Variants in FGD6 observed in about 807,000 individuals in gnomAD.
FGD6 encodes the protein FYVE, RhoGEF and PH domain containing 6.
A neutral mutation model predicts 149.4 loss-of-function variants in FGD6; 90 were observed. The observed-to-expected ratio is 0.60, with a 90% CI of 0.51 to 0.72. FGD6 has a LOEUF of 0.72. Ranked by LOEUF, FGD6 falls within the 30% of genes least tolerant of loss-of-function variation. FGD6 has a pLI of 0.00. For missense variants in FGD6, 1,437 were observed against 1,684.8 expected, an observed-to-expected ratio of 0.85 and a Z score of 2.57; for synonymous variants, 527 against 584.0, an observed-to-expected ratio of 0.90 and a Z score of 1.41.
chr12:95,111,267 C>G (rs906501089), intron 9 of FGD6, among the ~76,000 whole-genome samples: 1 of 152,154 alleles, frequency 6.6e-6, no homozygotes, highest in African/African-American at 2.4e-5. Flanking sequence ...AGGCATGAGC[C>G]ACCACGCCCG....
At chr12:95,173,690 G>A (rs906207531) in intron 2 of FGD6, among the ~76,000 whole-genome samples, 4 of 152,030 alleles carry the variant, frequency 2.6e-5, no homozygotes, top group East Asian at 1.9e-4. Context: ...CTTTTCTGTC[G>A]TAAGTCTACA....
rs915316319 is a variant in FGD6 at position 95,215,385 on chromosome 12, C to T, written c.16+1840G>A. Among the ~76,000 whole-genome samples the T allele has an allele frequency of 2.0e-5, 3 of 152,138 alleles. No individual in the cohort carries two copies. The East Asian group carries it at 5.8e-4, about 29-fold the overall frequency. On this transcript the variant is annotated intron_variant, in intron 1 of 20. Transcript: ENST00000343958. ...CTTAACTTCAAGTAACTTTCCTAAA[C>T]GTTTCAATGAATTTGACTATTGTTC...
At chr12:95,173,030 A>C (rs1259874522) in intron 2 of FGD6, among the ~76,000 whole-genome samples, 1 of 152,216 alleles carries the variant, frequency 6.6e-6, no homozygotes, top group Non-Finnish European at 1.5e-5. Flanking sequence ...AAAGAAGATC[A>C]GGTCTCTACT....
intron 2 of FGD6, among the ~76,000 whole-genome samples, chr12:95,202,243 CT>C (rs1387137017): frequency 6.6e-6 from 1 of 151,672 alleles, no homozygotes; most frequent in East Asian, 1.9e-4. Context: ...AAAAAATTAG[CT>C]GGGCATAGTG....
chr12:95,094,266 A>G (rs1878167296), intron 15 of FGD6, among the ~76,000 whole-genome samples: 1 of 152,218 alleles, frequency 6.6e-6, no homozygotes, highest in South Asian at 2.1e-4. Flanking sequence ...ATACAAAATT[A>G]ACTTAAAAAG....
At chr12:95,144,688 A>G (rs1366775881) in intron 5 of FGD6, among the ~76,000 whole-genome samples, 1 of 147,480 alleles carries the variant, frequency 6.8e-6, no homozygotes, top group African/African-American at 2.5e-5. Context: ...CACGGCGCCC[A>G]GCTTACTTTT....
chr12:95,151,050 G>A (rs1190796173), intron 5 of FGD6, among the ~76,000 whole-genome samples: 1 of 151,742 alleles, frequency 6.6e-6, no homozygotes, highest in Non-Finnish European at 1.5e-5. Flanking sequence ...TGGAAATCAT[G>A]CCACCGCACT....
At chr12:95,117,338 C>T (rs1879046474) in intron 8 of FGD6, among the ~76,000 whole-genome samples, 2 of 152,186 alleles carry the variant, frequency 1.3e-5, no homozygotes, top group African/African-American at 4.8e-5. Context: ...TAATTAACTC[C>T]ATCACCATCA....
chr12:95,217,282 C>A lies in FGD6; in HGVS notation c.-42G>T, dbSNP rs2056837296. 7.5e-6 allele frequency: 12 copies of A among 1,590,402 alleles called. No homozygotes were observed. The highest frequency in any genetic ancestry group is 8.6e-6 in the Non-Finnish European group (10 of 1,164,112). ...TCGCTTCCCCGCTCGGCCCCTCAAT[C>A]CATCTTCCCCTTTCAGTCCATTGTT... On this transcript the variant is annotated 5_prime_UTR_variant, in exon 1 of 21. Coordinates refer to ENST00000343958, the MANE Select transcript of FGD6 (RefSeq NM_018351.4).
chr12:95,111,753 T>C (rs746983656), intron 9 of FGD6, among the ~76,000 whole-genome samples: 1 of 152,118 alleles, frequency 6.6e-6, no homozygotes, highest in Non-Finnish European at 1.5e-5. Flanking sequence ...ATATGATCAC[T>C]GAAGACAGGA....
rs773558757 is a variant in FGD6, at chr12:95,134,709, G to A, written c.3082+30C>T. ...AGTTGGCTGATGGATAAACCAACTG[G>A]GTGGTTGGCAAAATGCTGGAGAAGC... is the stretch of plus-strand genomic sequence containing the variant. On this transcript the variant is annotated intron_variant, in intron 8 of 20. Transcript: ENST00000343958. 1.6e-5 allele frequency: 25 copies of A among 1,601,822 alleles called. No individual in the cohort carries two copies. In the South Asian group the frequency reaches 2.6e-4, roughly 16 times the overall value.
chr12:95,213,235 C>T (rs1349410267), intron 1 of FGD6, among the ~76,000 whole-genome samples: 1 of 152,074 alleles, frequency 6.6e-6, no homozygotes, highest in African/African-American at 2.4e-5. Flanking sequence ...ATTTCTGTAA[C>T]CATTATCAAA....
chr12:95,143,346 T>C (rs1879912537), intron 5 of FGD6, among the ~76,000 whole-genome samples: 1 of 151,398 alleles, frequency 6.6e-6, no homozygotes. Context: ...TAACTTAAAG[T>C]ATATGAAAGG....
At chr12:95,097,634 CAAAAA>C (rs34057454) in intron 14 of FGD6, among the ~76,000 whole-genome samples, 2 of 43,390 alleles carry the variant, frequency 4.6e-5, no homozygotes, top group African/African-American at 2.0e-4. Flanking sequence ...GACTCTGTCT[CAAAAA>C]AAAAAAAAAA....
Position 95,209,517 on chromosome 12 carries a change from C to T in FGD6, c.1767G>A (p.Ser589=), listed in dbSNP as rs145082628. 1.5e-4 allele frequency: 238 copies of T among 1,613,698 alleles called. No individual in the cohort carries two copies. The African/African-American group carries it at 2.1e-3, about 14-fold the overall frequency. Residue 589 remains serine, a synonymous_variant, in exon 2 of 21, where the codon TCG becomes TCA. Transcript: ENST00000343958. ...GGGCTGTTGAAGGCTCACTGTTTGA[C>T]GATACGGTGACAGACTTTAAGAATT... The part of the protein sequence containing the change: ...NPEFLKSVTV[S]SNSEPSTALT...
chr12:95,182,026 A>C (rs544522514), intron 2 of FGD6, among the ~76,000 whole-genome samples: 1 of 152,134 alleles, frequency 6.6e-6, no homozygotes. Flanking sequence ...GAAAACGAAA[A>C]AGTTTTAAGA....
Position 95,126,081 on chromosome 12 carries a change from G to A in FGD6, c.3082+8658C>T, listed in dbSNP as rs1249478318. On this transcript the variant is annotated intron_variant, in intron 8 of 20. Coordinates refer to ENST00000343958, the MANE Select transcript of FGD6 (RefSeq NM_018351.4). ...AAGGAAAGCCAAGATGACAGATTCT[G>A]ATCATTTTAAAGTTATGAAGGCAAA... The A allele has an allele frequency of 4.3e-6, 5 of 1,169,852 alleles. No individual in the cohort carries two copies. The African/African-American group carries it at 6.0e-5, about 14-fold the overall frequency. 72.5% of individuals were successfully genotyped at this position (1,169,852 alleles called of 1,614,324 possible).
At chr12:95,089,102 C>T (rs1455225979) in intron 18 of FGD6, among the ~76,000 whole-genome samples, 1 of 152,176 alleles carries the variant, frequency 6.6e-6, no homozygotes, top group Admixed American at 6.5e-5. Context: ...TCTAAGCATA[C>T]AGGCTATTAT....
Position 95,172,677 on chromosome 12 carries a change from T to G in FGD6, c.2509A>C (p.Ile837Leu), listed in dbSNP as rs1881027606. The change falls in exon 3 of 21, where the codon ATC becomes CTC. Residue 837 changes from isoleucine (I) to leucine (L), a missense_variant. Around this residue, in one of 2 missense-constraint regions of FGD6, gnomAD observed 1,055 missense variants for 1,146.0 expected, o/e 0.92. Transcript: ENST00000343958. Reference sequence around the variant, plus strand: ...TCATCTTCATCAGAACTGTTGATGATTTCCTCCTCATCAGAGGGAAGGTCA... The same window carrying G: ...TCATCTTCATCAGAACTGTTGATGAGTTCCTCCTCATCAGAGGGAAGGTCA... ...LGDLPSDEEE[I>L]INSSDEDDVS... 6.2e-7 allele frequency: 1 copy of G among 1,612,998 alleles called. No individual in the cohort carries two copies. The highest frequency in any genetic ancestry group is 2.2e-5 in the East Asian group (1 of 44,872).
Sources: gnomAD v4.1 joint callset for allele counts (sites outside exome capture counted in the v4.1 genomes callset) on GRCh38, gnomAD v4.1.1 for gene constraint, gnomAD v4.1.1 regional missense constraint, MANE v1.5 for transcripts, NCBI Gene and HGNC (gene_info 2026-07-23, HGNC 2026-07-21) for gene names.